Variants in BPTF observed in about 807,000 individuals in gnomAD.
BPTF encodes the protein nucleosome-remodeling factor subunit BPTF.
BPTF carries 18 observed loss-of-function variants against 292.5 expected under a neutral mutation model. The ratio of observed to expected loss-of-function variants is 0.06; its 90% confidence interval spans 0.04 to 0.09. BPTF has a LOEUF of 0.09. Among genes scored for constraint, BPTF ranks in the 10% least tolerant of loss-of-function variants. The pLI is 1.00. For synonymous variants in BPTF, 1,225 were observed against 1,251.9 expected, an observed-to-expected ratio of 0.98 and a Z score of 0.45; for missense variants, 2,726 against 3,498.7, an observed-to-expected ratio of 0.78 and a Z score of 5.57.
At chr17:67,914,643 C>G (rs1051746801) in intron 11 of BPTF, among the ~76,000 whole-genome samples, 1 of 152,132 alleles carries the variant, frequency 6.6e-6, no homozygotes, top group African/African-American at 2.4e-5. Context: ...GGAGGCCGAC[C>G]TTTCTGCTCT....
At chr17:67,914,025 T>C (rs1419563862) in intron 11 of BPTF, among the ~76,000 whole-genome samples, 1 of 152,176 alleles carries the variant, frequency 6.6e-6, no homozygotes, top group Non-Finnish European at 1.5e-5. Flanking sequence ...ACCCCTGTAA[T>C]TGAGAAGGAT....
intron 24 of BPTF, 108 bp from the exon 25 acceptor site, chr17:67,964,104 A>G: frequency 9.0e-7 from 1 of 1,107,200 alleles, no homozygotes; most frequent in South Asian, 1.6e-5. Context: ...CCATAATACT[A>G]AAACTATTTT....
Position 67,911,409 on chromosome 17 carries a change from A to C in BPTF, c.3525A>C (p.Pro1175=). The C allele has an allele frequency of 6.2e-7, 1 of 1,614,182 alleles. No homozygotes were observed. The highest frequency in any genetic ancestry group is 8.5e-7 in the Non-Finnish European group (1 of 1,180,032). ...RVLDDVSIRS[P]ETKCPKQNSI... ...TAGATGATGTCTCCATTCGGAGCCC[A>C]GAAACAAAATGTCCGAAACAAAATT... is the stretch of plus-strand genomic sequence containing the variant. The change falls in exon 11 of 28, where the codon CCA becomes CCC. Residue 1175 remains proline (P), a synonymous_variant. Coordinates refer to ENST00000306378, the MANE Select transcript of BPTF (RefSeq NM_182641.4).
intron 7 of BPTF, among the ~76,000 whole-genome samples, chr17:67,900,378 T>A (rs775786669): frequency 2.5e-4 from 38 of 152,102 alleles, no homozygotes; most frequent in Non-Finnish European, 4.1e-4. Context: ...GTGCTGGGAT[T>A]ACAGGCGTTA....
intron 23 of BPTF, among the ~76,000 whole-genome samples, chr17:67,948,873 C>T (rs782419313): frequency 4.9e-4 from 75 of 152,126 alleles, no homozygotes; most frequent in African/African-American, 1.6e-3. Flanking sequence ...CCCAGGTACT[C>T]GAGAGGCTGA....
intron 24 of BPTF, among the ~76,000 whole-genome samples, chr17:67,962,048 T>C (rs1248508799): frequency 6.6e-6 from 1 of 151,236 alleles, no homozygotes; most frequent in African/African-American, 2.4e-5. Context: ...GAGGCTGAGG[T>C]GGGAGGATCA....
At chr17:67,863,470 G>C (rs1817372217) in intron 2 of BPTF, among the ~76,000 whole-genome samples, 1 of 152,124 alleles carries the variant, frequency 6.6e-6, no homozygotes, top group Admixed American at 6.5e-5. Flanking sequence ...ATTTTTAGTA[G>C]AGATGGGGTT....
intron 1 of BPTF, among the ~76,000 whole-genome samples, chr17:67,848,083 G>A (rs1186882325): frequency 6.6e-6 from 1 of 152,060 alleles, no homozygotes; most frequent in Non-Finnish European, 1.5e-5. Flanking sequence ...AGAAATAAGG[G>A]GACAATGTTA....
At chr17:67,917,094 G>A (rs1179116275) in intron 11 of BPTF, among the ~76,000 whole-genome samples, 1 of 144,564 alleles carries the variant, frequency 6.9e-6, no homozygotes, top group African/African-American at 2.5e-5. Context: ...AACACAGAGA[G>A]ATTTGTCTGT....
chr17:67,884,177 A>G, intron 4 of BPTF, among the ~76,000 whole-genome samples: 2 of 139,894 alleles, frequency 1.4e-5, no homozygotes, highest in South Asian at 4.4e-4. Flanking sequence ...TCGTGCTGTC[A>G]CTCAGGCTGT....
intron 4 of BPTF, among the ~76,000 whole-genome samples, chr17:67,888,229 C>T (rs541231256): frequency 6.6e-6 from 1 of 152,226 alleles, no homozygotes; most frequent in African/African-American, 2.4e-5. Flanking sequence ...AAACCTCTTT[C>T]CCACAGTTAC....
At chr17:67,948,521 A>G (rs1397655016) in intron 23 of BPTF, among the ~76,000 whole-genome samples, 1 of 152,212 alleles carries the variant, frequency 6.6e-6, no homozygotes, top group Non-Finnish European at 1.5e-5. Context: ...TCTCCAGACT[A>G]GCAACTCTGA....
intron 4 of BPTF, among the ~76,000 whole-genome samples, chr17:67,889,313 G>T (rs529570256): frequency 4.2e-4 from 64 of 152,260 alleles, no homozygotes; most frequent in African/African-American, 2.4e-5. Flanking sequence ...ACTAAATTTA[G>T]CAAGTGATAA....
chr17:67,845,093 T>C (rs1284855361), intron 1 of BPTF, among the ~76,000 whole-genome samples: 2 of 152,176 alleles, frequency 1.3e-5, no homozygotes, highest in African/African-American at 4.8e-5. Context: ...GTGATAGGAA[T>C]GCTGTATAAG....
chr17:67,854,175 G>A lies in BPTF; in HGVS notation c.849G>A (p.Met283Ile), dbSNP rs764015064. 3 of 1,614,182 alleles carry A rather than the reference G, an allele frequency of 1.9e-6. No individual in the cohort carries two copies. The highest frequency in any genetic ancestry group is 3.3e-5 in the Admixed American group (2 of 60,016). The change falls in exon 2 of 28, where the codon ATG becomes ATA. Residue 283 changes from methionine to isoleucine, a missense_variant. By Grantham distance (10) the Met-to-Ile change is conservative. This residue lies in a region of BPTF where 102 missense variants were observed against 212.6 expected (regional missense o/e 0.48). Transcript: ENST00000306378. The surrounding 1 kb of genome is among the most constrained non-coding windows in gnomAD (Gnocchi z 5.6). ...TGAGCCAAGAGCAGTGCACACTCATGGCAGAGATGCATGTTGTGCTTTTGA... is the reference window on the plus strand; with the variant it reads ...TGAGCCAAGAGCAGTGCACACTCATAGCAGAGATGCATGTTGTGCTTTTGA... ...ALVSQEQCTL[M>I]AEMHVVLLKA...
chr17:67,851,780 G>C (rs908871182), intron 1 of BPTF, among the ~76,000 whole-genome samples: 2 of 152,068 alleles, frequency 1.3e-5, no homozygotes, highest in African/African-American at 4.8e-5. Flanking sequence ...GTGGTATACT[G>C]GTGTTTCCAT....
intron 1 of BPTF, among the ~76,000 whole-genome samples, chr17:67,830,044 T>C (rs972196903): frequency 6.6e-6 from 1 of 152,214 alleles, no homozygotes; most frequent in African/African-American, 2.4e-5. Context: ...GAATAATGCT[T>C]TAATTCATTT....
At chr17:67,885,769 C>G (rs1567978419) in intron 4 of BPTF, among the ~76,000 whole-genome samples, 1 of 152,214 alleles carries the variant, frequency 6.6e-6, no homozygotes, top group Admixed American at 6.5e-5. Context: ...CAAACTACCT[C>G]TGCAATATCT....
At chr17:67,961,364 A>G (rs2067467226) in intron 24 of BPTF, among the ~76,000 whole-genome samples, 1 of 152,172 alleles carries the variant, frequency 6.6e-6, no homozygotes, top group African/African-American at 2.4e-5. Context: ...TAGTGTTTCT[A>G]AGGAGTGTTT....
Sources: allele counts gnomAD v4.1 joint callset (sites outside exome capture counted in the v4.1 genomes callset), GRCh38; gene constraint gnomAD v4.1.1; regional missense constraint gnomAD v4.1.1; non-coding constraint Gnocchi (gnomAD v3.1); transcripts MANE v1.5; gene names NCBI Gene and HGNC (gene_info 2026-07-23, HGNC 2026-07-21).